Variants in H2AC12 observed in about 807,000 individuals in gnomAD.
H2AC12 encodes H2A clustered histone 12.
H2AC12 carries 9 observed loss-of-function variants against 5.8 expected under a neutral mutation model. That is an observed-to-expected ratio of 1.56 (90% CI 0.94 to 2.71). The LOEUF (loss-of-function observed/expected upper bound fraction) is 2.71. Among genes scored for constraint, H2AC12 ranks in the 30% most tolerant of loss-of-function variants. The pLI, the probability that H2AC12 is intolerant of heterozygous loss-of-function variation, is 0.00. For missense variants in H2AC12, 232 were observed against 173.1 expected (o/e 1.34, Z -1.91); for synonymous variants, 158 against 78.1 (o/e 2.02, Z -5.39).
At position 27,147,517 on chromosome 6, in the gene H2AC12, G is replaced by A; in HGVS notation, c.*2G>A. 6.2e-7 allele frequency: 1 copy of A among 1,613,430 alleles called. No individual in the cohort carries two copies. The highest frequency in any genetic ancestry group is 8.5e-7 in the Non-Finnish European group (1 of 1,179,664). The stretch of plus-strand genomic sequence containing the variant: ...GAGAGCCACCATAAGGCCAAATAAG[G>A]AGCGAGGTTGTGAAAACTGGAAAAC... On this transcript the variant is annotated 3_prime_UTR_variant, in exon 1 of 1. Transcript: ENST00000377459.
chr6:27,147,543 A>C lies in H2AC12; in HGVS notation c.*28A>C, dbSNP rs1253408313. 1.2e-6 allele frequency: 2 copies of C among 1,611,368 alleles called. No homozygotes were observed. Among genetic ancestry groups the C allele is most frequent in the Non-Finnish European group, 1.7e-6 (2 of 1,178,500 alleles). ...AGCGAGGTTGTGAAAACTGGAAAAC[A>C]AAGGCTCTTTTCAGAGCCATTCTAC... On this transcript the variant is annotated 3_prime_UTR_variant, in exon 1 of 1. Coordinates refer to ENST00000377459, the MANE Select transcript of H2AC12 (RefSeq NM_080596.3).
At position 27,147,235 on chromosome 6, in the gene H2AC12, G is replaced by C. The variant is rs773135907; in HGVS notation, c.107G>C (p.Arg36Pro). The change falls in exon 1 of 1, where the codon CGC becomes CCC. Residue 36 changes from arginine (R) to proline (P), a missense_variant. Arg to Pro is a moderately radical substitution (Grantham distance 103). Transcript: ENST00000377459. Reference sequence around the variant, plus strand: ...GTGGGCCGAGTGCACCGCCTGCTCCGCAAGGGTAATTATGCCGAGCGGGTT... The same window carrying C: ...GTGGGCCGAGTGCACCGCCTGCTCCCCAAGGGTAATTATGCCGAGCGGGTT... Reference protein sequence around the residue: ...FPVGRVHRLLRKGNYAERVGA... With the variant: ...FPVGRVHRLLPKGNYAERVGA... The C allele has an allele frequency of 6.2e-7, 1 of 1,614,188 alleles. No homozygotes were observed. The highest frequency in any genetic ancestry group is 1.1e-5 in the South Asian group (1 of 91,084).
Position 27,147,535 on chromosome 6 carries a change from T to G in H2AC12, c.*20T>G. Reference sequence around the variant, plus strand: ...AAATAAGGAGCGAGGTTGTGAAAACTGGAAAACAAAGGCTCTTTTCAGAGC... The same window carrying G: ...AAATAAGGAGCGAGGTTGTGAAAACGGGAAAACAAAGGCTCTTTTCAGAGC... On this transcript the variant is annotated 3_prime_UTR_variant, in exon 1 of 1. Transcript: ENST00000377459. 6.2e-7 allele frequency: 1 copy of G among 1,612,342 alleles called. No homozygotes were observed.
rs897435380 is a variant in H2AC12, at chr6:27,147,117, G to C, written c.-12G>C. On this transcript the variant is annotated 5_prime_UTR_variant, in exon 1 of 1. Transcript: ENST00000377459. ...TTTCCTCGTTGGCTACTTTCAGTAA[G>C]TTGTGACCAGTATGTCTGGACGTGG... The C allele has an allele frequency of 1.9e-6, 3 of 1,601,866 alleles. No individual in the cohort carries two copies. Among genetic ancestry groups the C allele is most frequent in the Non-Finnish European group, 1.7e-6 (2 of 1,174,086 alleles).
rs755763929 is a variant in H2AC12 at position 27,147,256 on chromosome 6, G to T, written c.128G>T (p.Arg43Leu). The stretch of plus-strand genomic sequence containing the variant: ...CTCCGCAAGGGTAATTATGCCGAGC[G>T]GGTTGGAGCCGGCGCGCCAGTGTAC... ...RLLRKGNYAE[R>L]VGAGAPVYLA... Residue 43 changes from arginine to leucine, a missense_variant, in exon 1 of 1, where the codon CGG becomes CTG. Transcript: ENST00000377459. 4 of 1,614,058 alleles carry T rather than the reference G, an allele frequency of 2.5e-6. No homozygotes were observed. In the Admixed American group the frequency reaches 6.7e-5, roughly 27 times the overall value.
In H2AC12 at chr6:27,147,482, T is replaced by G. The variant is rs145021809; in HGVS notation, c.354T>G (p.Pro118=). The G allele has an allele frequency of 2.5e-6, 4 of 1,614,178 alleles. No homozygotes were observed. The highest frequency in any genetic ancestry group is 3.4e-6 in the Non-Finnish European group (4 of 1,180,020). ...CCAATATCCAGGCCGTGCTGCTGCCTAAGAAGACTGAGAGCCACCATAAGG... is the reference window on the plus strand; with the variant it reads ...CCAATATCCAGGCCGTGCTGCTGCCGAAGAAGACTGAGAGCCACCATAAGG... ...VLPNIQAVLL[P]KKTESHHKAK The change falls in exon 1 of 1, where the codon CCT becomes CCG. Residue 118 remains proline, a synonymous_variant. Coordinates refer to ENST00000377459, the MANE Select transcript of H2AC12 (RefSeq NM_080596.3).
chr6:27,147,179 C>A lies in H2AC12; in HGVS notation c.51C>A (p.Thr17=). The A allele has an allele frequency of 6.2e-7, 1 of 1,614,000 alleles. No homozygotes were observed. The highest frequency in any genetic ancestry group is 8.5e-7 in the Non-Finnish European group (1 of 1,179,896). ...QGGKARAKAK[T]RSSRAGLQFP... Reference sequence around the variant, plus strand: ...GTAAAGCTCGCGCCAAGGCCAAGACCCGCTCTTCTCGGGCTGGGCTTCAGT... The same window carrying A: ...GTAAAGCTCGCGCCAAGGCCAAGACACGCTCTTCTCGGGCTGGGCTTCAGT... Residue 17 remains threonine (T), a synonymous_variant, in exon 1 of 1, where the codon ACC becomes ACA. Transcript: ENST00000377459.
rs781556027 is a variant in H2AC12, at chr6:27,147,126, A to C, written c.-3A>C. The C allele has an allele frequency of 6.8e-6, 11 of 1,606,696 alleles. No individual in the cohort carries two copies. Among genetic ancestry groups the C allele is most frequent in the Admixed American group, 1.7e-5 (1 of 58,868 alleles). ...TGGCTACTTTCAGTAAGTTGTGACCAGTATGTCTGGACGTGGCAAGCAAGG... is the reference window on the plus strand; with the variant it reads ...TGGCTACTTTCAGTAAGTTGTGACCCGTATGTCTGGACGTGGCAAGCAAGG... On this transcript the variant is annotated 5_prime_UTR_variant, in exon 1 of 1. Transcript: ENST00000377459.
chr6:27,147,325 T>C lies in H2AC12; in HGVS notation c.197T>C (p.Leu66Pro). The C allele has an allele frequency of 6.2e-7, 1 of 1,614,178 alleles. No individual in the cohort carries two copies. Among genetic ancestry groups the C allele is most frequent in the Non-Finnish European group, 8.5e-7 (1 of 1,180,026 alleles). Residue 66 changes from leucine to proline, a missense_variant, in exon 1 of 1, where the codon CTG becomes CCG. Physicochemically the swap from Leu to Pro is moderately conservative, Grantham distance 98 (BLOSUM62 -3). Coordinates refer to ENST00000377459, the MANE Select transcript of H2AC12 (RefSeq NM_080596.3). Reference sequence around the variant, plus strand: ...TACCTGACCGCTGAGATCCTGGAGCTGGCTGGCAATGCGGCCCGCGACAAC... The same window carrying C: ...TACCTGACCGCTGAGATCCTGGAGCCGGCTGGCAATGCGGCCCGCGACAAC... Reference protein sequence around the residue: ...LEYLTAEILELAGNAARDNKK... With the variant: ...LEYLTAEILEPAGNAARDNKK...
rs1003654195 is a variant in H2AC12 at position 27,147,118 on chromosome 6, T to C, written c.-11T>C. The C allele has an allele frequency of 1.2e-6, 2 of 1,602,676 alleles. No homozygotes were observed. Among genetic ancestry groups the C allele is most frequent in the East Asian group, 2.2e-5 (1 of 44,810 alleles). On this transcript the variant is annotated 5_prime_UTR_variant, in exon 1 of 1. Coordinates refer to ENST00000377459, the MANE Select transcript of H2AC12 (RefSeq NM_080596.3). ...TTCCTCGTTGGCTACTTTCAGTAAG[T>C]TGTGACCAGTATGTCTGGACGTGGC...
rs777126211 is a variant in H2AC12, at chr6:27,147,490, C to T, written c.362C>T (p.Thr121Ile). ...NIQAVLLPKK[T>I]ESHHKAK is the part of the protein sequence containing the mutation. ...CAGGCCGTGCTGCTGCCTAAGAAGA[C>T]TGAGAGCCACCATAAGGCCAAATAA... Residue 121 changes from threonine (T) to isoleucine (I), a missense_variant, in exon 1 of 1, where the codon ACT (threonine) becomes ATT (isoleucine). By Grantham distance (89) the Thr-to-Ile change is moderately conservative. Coordinates refer to ENST00000377459, the MANE Select transcript of H2AC12 (RefSeq NM_080596.3). 16 of 1,614,076 alleles carry T rather than the reference C, an allele frequency of 9.9e-6. No individual in the cohort carries two copies. Among genetic ancestry groups the T allele is most frequent in the Non-Finnish European group, 1.3e-5 (15 of 1,180,038 alleles).
At position 27,147,412 on chromosome 6, in the gene H2AC12, A is replaced by G. The variant is rs752407164; in HGVS notation, c.284A>G (p.Asn95Ser). The G allele has an allele frequency of 1.9e-6, 3 of 1,614,090 alleles. No individual in the cohort carries two copies. Among genetic ancestry groups the G allele is most frequent in the East Asian group, 4.5e-5 (2 of 44,898 alleles). ...QLAIRNDEEL[N>S]KLLGKVTIAQ... ...GCCATCCGCAACGACGAGGAGCTCAACAAGCTGCTGGGCAAAGTCACCATC... is the reference window on the plus strand; with the variant it reads ...GCCATCCGCAACGACGAGGAGCTCAGCAAGCTGCTGGGCAAAGTCACCATC... The change falls in exon 1 of 1, where the codon AAC becomes AGC. Residue 95 changes from asparagine (N) to serine (S), a missense_variant. Asn to Ser is a conservative substitution (Grantham distance 46, BLOSUM62 1). Transcript: ENST00000377459.
Position 27,147,290 on chromosome 6 carries a change from G to C in H2AC12, c.162G>C (p.Ala54=), listed in dbSNP as rs7756481. The part of the protein sequence containing the change: ...VGAGAPVYLA[A]VLEYLTAEIL... ...CCGGCGCGCCAGTGTACCTGGCTGC[G>C]GTGCTGGAGTACCTGACCGCTGAGA... Residue 54 remains alanine, a synonymous_variant, in exon 1 of 1, where the codon GCG becomes GCC. Transcript: ENST00000377459. The C allele has an allele frequency of 0.082, 132,284 of 1,614,056 alleles. 6,676 individuals are homozygous for C. Among genetic ancestry groups the C allele is most frequent in the Non-Finnish European group, 0.09 (106,596 of 1,179,966 alleles).
rs893887711 is a variant in H2AC12 at position 27,147,440 on chromosome 6, G to A, written c.312G>A (p.Ala104=). 6.2e-7 allele frequency: 1 copy of A among 1,614,222 alleles called. No individual in the cohort carries two copies. The highest frequency in any genetic ancestry group is 8.5e-7 in the Non-Finnish European group (1 of 1,180,044). ...AGCTGCTGGGCAAAGTCACCATCGC[G>A]CAGGGTGGTGTCTTGCCCAATATCC... ...LNKLLGKVTI[A]QGGVLPNIQA... Residue 104 remains alanine (A), a synonymous_variant, in exon 1 of 1, where the codon GCG becomes GCA. Coordinates refer to ENST00000377459, the MANE Select transcript of H2AC12 (RefSeq NM_080596.3).
At position 27,147,146 on chromosome 6, in the gene H2AC12, G is replaced by A. The variant is rs1326707561; in HGVS notation, c.18G>A (p.Lys6=). The A allele has an allele frequency of 6.8e-6, 11 of 1,611,886 alleles. No homozygotes were observed. The highest frequency in any genetic ancestry group is 1.7e-5 in the Admixed American group (1 of 59,834). The stretch of plus-strand genomic sequence containing the variant: ...TGACCAGTATGTCTGGACGTGGCAA[G>A]CAAGGCGGTAAAGCTCGCGCCAAGG... MSGRG[K]QGGKARAKAK... Residue 6 remains lysine, a synonymous_variant, in exon 1 of 1, where the codon AAG becomes AAA. Transcript: ENST00000377459.
In H2AC12 at chr6:27,147,283, T is replaced by A. The variant is rs1314666597; in HGVS notation, c.155T>A (p.Leu52Gln). 3.1e-6 allele frequency: 5 copies of A among 1,614,044 alleles called. No homozygotes were observed. In the Admixed American group the frequency reaches 5.0e-5, roughly 16 times the overall value. The change falls in exon 1 of 1, where the codon CTG becomes CAG. Residue 52 changes from leucine (L) to glutamine (Q), a missense_variant. By Grantham distance (113) the Leu-to-Gln change is moderately radical (BLOSUM62 -2). Transcript: ENST00000377459. The stretch of plus-strand genomic sequence containing the variant: ...GTTGGAGCCGGCGCGCCAGTGTACC[T>A]GGCTGCGGTGCTGGAGTACCTGACC... ...ERVGAGAPVY[L>Q]AAVLEYLTAE...
In H2AC12 at chr6:27,147,553, T is replaced by C. The variant is rs1172473835; in HGVS notation, c.*38T>C. 3.1e-6 allele frequency: 5 copies of C among 1,605,266 alleles called. No individual in the cohort carries two copies. Among genetic ancestry groups the C allele is most frequent in the Non-Finnish European group, 4.3e-6 (5 of 1,174,170 alleles). On this transcript the variant is annotated 3_prime_UTR_variant, in exon 1 of 1. Transcript: ENST00000377459. ...TGAAAACTGGAAAACAAAGGCTCTTTTCAGAGCCATTCTACACTGTCTTAG... is the reference window on the plus strand; with the variant it reads ...TGAAAACTGGAAAACAAAGGCTCTTCTCAGAGCCATTCTACACTGTCTTAG...
rs757132082 is a variant in H2AC12 at position 27,147,371 on chromosome 6, G to A, written c.243G>A (p.Pro81=). 6.2e-7 allele frequency: 1 copy of A among 1,614,172 alleles called. No individual in the cohort carries two copies. The highest frequency in any genetic ancestry group is 8.5e-7 in the Non-Finnish European group (1 of 1,180,034). ...ARDNKKTRII[P]RHLQLAIRND... ...ACAACAAGAAGACCCGTATCATCCC[G>A]CGTCACCTCCAACTGGCCATCCGCA... The change falls in exon 1 of 1, where the codon CCG becomes CCA. Residue 81 remains proline, a synonymous_variant. Transcript: ENST00000377459.
chr6:27,147,133 C>A lies in H2AC12; in HGVS notation c.5C>A (p.Ser2Tyr). Residue 2 changes from serine (S) to tyrosine (Y), a missense_variant, in exon 1 of 1, where the codon TCT (serine) becomes TAT (tyrosine). Physicochemically the swap from Ser to Tyr is moderately radical, Grantham distance 144 (BLOSUM62 -2). Coordinates refer to ENST00000377459, the MANE Select transcript of H2AC12 (RefSeq NM_080596.3). ...TTTCAGTAAGTTGTGACCAGTATGT[C>A]TGGACGTGGCAAGCAAGGCGGTAAA... is the stretch of plus-strand genomic sequence containing the variant. MSGRGKQGGKAR... is the reference protein window; with the variant it reads MYGRGKQGGKAR... 1.2e-6 allele frequency: 2 copies of A among 1,610,356 alleles called. No individual in the cohort carries two copies. The highest frequency in any genetic ancestry group is 1.7e-6 in the Non-Finnish European group (2 of 1,177,854).
Sources: gnomAD v4.1 joint callset for allele counts on GRCh38, gnomAD v4.1.1 for gene constraint, MANE v1.5 for transcripts, NCBI Gene and HGNC (gene_info 2026-07-23, HGNC 2026-07-21) for gene names.